The following AFF3 variants were observed in gnomAD, a reference collection of about 807,000 sequenced individuals.
The protein encoded by AFF3 is ALF transcription elongation factor 3.
AFF3 carries 32 observed loss-of-function variants against 129.7 expected under a neutral mutation model. The observed-to-expected ratio is 0.25, with a 90% CI of 0.19 to 0.33. AFF3 has a LOEUF of 0.33. Among genes scored for constraint, AFF3 ranks in the 10% least tolerant of loss-of-function variants. AFF3 has a pLI of 1.00. For synonymous variants in AFF3, 644 were observed against 635.4 expected, an observed-to-expected ratio of 1.01 and a Z score of -0.20; for missense variants, 1,373 against 1,592.0, an observed-to-expected ratio of 0.86 and a Z score of 2.34.
chr2:99,684,085 GACCCGCTT>G (rs549820508), intron 11 of AFF3, among the ~76,000 whole-genome samples: 103 of 152,280 alleles, frequency 6.8e-4, no homozygotes, highest in Middle Eastern at 3.4e-3. Context: ...GGGGGAGAAT[GACCCGCTT>G]TATGTTGGAA....
At chr2:99,918,966 G>A (rs575534340) in intron 7 of AFF3, among the ~76,000 whole-genome samples, 1 of 152,222 alleles carries the variant, frequency 6.6e-6, no homozygotes, top group Admixed American at 6.5e-5. Context: ...TTCATCAGGG[G>A]AATGAAATGC....
At chr2:100,114,813 T>A (rs1466679180) in intron 2 of AFF3, among the ~76,000 whole-genome samples, 1 of 152,222 alleles carries the variant, frequency 6.6e-6, no homozygotes, top group East Asian at 1.9e-4. Flanking sequence ...CATAACATCA[T>A]GCAAGCCCCC....
chr2:100,090,805 G>A (rs919970678), intron 4 of AFF3, among the ~76,000 whole-genome samples: 10 of 152,108 alleles, frequency 6.6e-5, no homozygotes, highest in Non-Finnish European at 1.2e-4. Context: ...GGATCCCGAT[G>A]AGCTGGGATT....
In AFF3 at chr2:99,601,461, T is replaced by G; in HGVS notation, c.1345A>C (p.Lys449Gln). ...ESSSSESEGSKPPHFSSPEAE... is the reference protein window; with the variant it reads ...ESSSSESEGSQPPHFSSPEAE... Reference sequence around the variant, plus strand: ...TCGGGGCTGGAGAAGTGGGGGGGCTTGCTGCCCTCACTCTCGCTGGAGCTG... The same window carrying G: ...TCGGGGCTGGAGAAGTGGGGGGGCTGGCTGCCCTCACTCTCGCTGGAGCTG... The change falls in exon 14 of 25, where the codon AAG becomes CAG. Residue 449 changes from lysine to glutamine, a missense_variant. Around this residue, in one of 9 missense-constraint regions of AFF3, gnomAD observed 413 missense variants for 424.4 expected, o/e 0.97. Transcript: ENST00000672756. The G allele has an allele frequency of 1.2e-6, 2 of 1,608,986 alleles. No individual in the cohort carries two copies. The highest frequency in any genetic ancestry group is 2.2e-5 in the South Asian group (2 of 90,146).
In AFF3 at chr2:99,989,613, T is replaced by C. The variant is rs75816993; in HGVS notation, c.873+17019A>G. On this transcript the variant is annotated intron_variant, in intron 7 of 24. Coordinates refer to ENST00000672756, the MANE Select transcript of AFF3 (RefSeq NM_001386135.1). ...GCAATTAAGAGAATTGACCAAAGCC[T>C]TATAGCTAGTCTCATTTGCAACTAG... Among the ~76,000 whole-genome samples the C allele has an allele frequency of 1.1e-3, 163 of 152,352 alleles. 3 individuals carry two copies. In the East Asian group the frequency reaches 0.028, roughly 26 times the overall value.
intron 7 of AFF3, among the ~76,000 whole-genome samples, chr2:99,991,073 C>A (rs1680294521): frequency 6.6e-6 from 1 of 152,104 alleles, no homozygotes. Context: ...ATCATGTTCT[C>A]CCAAAGATAC....
chr2:99,748,532 G>A (rs551013582), intron 9 of AFF3, among the ~76,000 whole-genome samples: 3 of 152,244 alleles, frequency 2.0e-5, no homozygotes, highest in African/African-American at 7.2e-5. Context: ...TTCCAGCTGT[G>A]TATCCTGTTC....
intron 7 of AFF3, among the ~76,000 whole-genome samples, chr2:99,843,288 C>T (rs975063338): frequency 6.6e-5 from 10 of 152,212 alleles, no homozygotes; most frequent in Admixed American, 3.3e-4. Context: ...CTCCCAAATT[C>T]AGCCTGTCTC....
At chr2:100,007,678 G>T in intron 5 of AFF3, 1 of 581,684 alleles carries the variant, frequency 1.7e-6, no homozygotes. Flanking sequence ...TGCATAAAAA[G>T]GGATCTATCC....
intron 7 of AFF3, among the ~76,000 whole-genome samples, chr2:99,876,361 T>C (rs1194802279): frequency 6.6e-6 from 1 of 152,210 alleles, no homozygotes; most frequent in Non-Finnish European, 1.5e-5. Context: ...TTCTCCTTTT[T>C]CCATCCTTCC....
At position 99,629,440 on chromosome 2, in the gene AFF3, T is replaced by C. The variant is rs143357342; in HGVS notation, c.1184+20186A>G. ...CACAGAAGAACAAAATACCTAGGAA[T>C]ATAGCTAACCAGGGAGGTGAAGGAC... On this transcript the variant is annotated intron_variant, in intron 13 of 24. Coordinates refer to ENST00000672756, the MANE Select transcript of AFF3 (RefSeq NM_001386135.1). Among the ~76,000 whole-genome samples the C allele has an allele frequency of 1.7e-3, 253 of 152,274 alleles. 2 individuals carry two copies. In the Middle Eastern group the frequency reaches 0.017, roughly 10 times the overall value.
chr2:99,748,405 A>G (rs1340867413), intron 9 of AFF3, among the ~76,000 whole-genome samples: 2 of 152,156 alleles, frequency 1.3e-5, no homozygotes, highest in African/African-American at 4.8e-5. Flanking sequence ...AAGATTCTCT[A>G]CTAGGCTTTT....
chr2:99,731,577 C>G (rs1679836137), intron 10 of AFF3, among the ~76,000 whole-genome samples: 1 of 152,152 alleles, frequency 6.6e-6, no homozygotes, highest in Non-Finnish European at 1.5e-5. Flanking sequence ...AATATTCATA[C>G]TCTGTTCAGT....
At chr2:99,579,115 A>C (rs960563130) in intron 17 of AFF3, among the ~76,000 whole-genome samples, 2 of 152,242 alleles carry the variant, frequency 1.3e-5, no homozygotes, top group African/African-American at 4.8e-5. Flanking sequence ...ATTACTTAAA[A>C]AATAAATCGA....
At chr2:100,007,055 G>T (rs935173910) in intron 6 of AFF3, 38 bp from the exon 7 acceptor site, 7 of 1,591,148 alleles carry the variant, frequency 4.4e-6, no homozygotes, top group Non-Finnish European at 6.0e-6. Context: ...ATAAGGATGA[G>T]GGGGGTCGAC....
At chr2:99,937,079 C>A (rs1674586442) in intron 7 of AFF3, among the ~76,000 whole-genome samples, 1 of 152,150 alleles carries the variant, frequency 6.6e-6, no homozygotes, top group African/African-American at 2.4e-5. Flanking sequence ...AATGCTGGGA[C>A]TGGAAGCATT....
chr2:99,881,011 G>A (rs1692672744), intron 7 of AFF3, among the ~76,000 whole-genome samples: 1 of 152,118 alleles, frequency 6.6e-6, no homozygotes, highest in Non-Finnish European at 1.5e-5. Flanking sequence ...ATTCCAACAG[G>A]CTTTCTATTT....
rs576328735 is a variant in AFF3 at position 99,546,961 on chromosome 2, T to C, written c.*4513A>G. The C allele has an allele frequency of 4.5e-6, 1 of 220,346 alleles. No individual in the cohort carries two copies. Among genetic ancestry groups the C allele is most frequent in the Non-Finnish European group, 9.1e-6 (1 of 110,008 alleles). 13.6% of individuals were successfully genotyped at this position (220,346 alleles called of 1,614,324 possible). A position where few individuals can be genotyped will look rare whatever the true frequency, so the allele number is the denominator to read the frequency against. On this transcript the variant is annotated 3_prime_UTR_variant, in exon 25 of 25. Transcript: ENST00000672756. ...GCGTGCATGTGCATACGTGCATGCA[T>C]GTGCGCGCGTGTGTGCGTATGTGTA... is the stretch of plus-strand genomic sequence containing the variant.
At chr2:99,633,203 C>T (rs1683290697) in intron 13 of AFF3, among the ~76,000 whole-genome samples, 2 of 152,118 alleles carry the variant, frequency 1.3e-5, no homozygotes, top group South Asian at 4.1e-4. Context: ...TAAAGTCAGT[C>T]AGTCAATAGT....
Sources: allele counts gnomAD v4.1 joint callset (sites outside exome capture counted in the v4.1 genomes callset), GRCh38; gene constraint gnomAD v4.1.1; regional missense constraint gnomAD v4.1.1; transcripts MANE v1.5; gene names NCBI Gene and HGNC (gene_info 2026-07-23, HGNC 2026-07-21).